Variants in HERC1 observed in about 807,000 individuals in gnomAD.
The protein encoded by HERC1 is HECT and RLD domain containing E3 ubiquitin protein ligase family member 1.
In HERC1, 160 loss-of-function variants were observed where a neutral mutation model predicts 554.3. The ratio of observed to expected loss-of-function variants is 0.29; its 90% CI spans 0.25 to 0.33. The LOEUF is 0.33. Among genes scored for constraint, HERC1 ranks in the 10% least tolerant of loss-of-function variants. HERC1 has a pLI of 1.00. For synonymous variants in HERC1, 2,175 were observed against 2,131.7 expected, an observed-to-expected ratio of 1.02 and a Z score of -0.56; for missense variants, 4,919 against 5,918.5, an observed-to-expected ratio of 0.83 and a Z score of 5.54.
At chr15:63,724,977 A>C (rs553946519) in intron 18 of HERC1, among the ~76,000 whole-genome samples, 1 of 152,342 alleles carries the variant, frequency 6.6e-6, no homozygotes, top group South Asian at 2.1e-4. Flanking sequence ...TCTGGGAAGC[A>C]GTTTCATAAC....
chr15:63,822,463 G>A (rs1455410674), intron 1 of HERC1, among the ~76,000 whole-genome samples: 1 of 151,944 alleles, frequency 6.6e-6, no homozygotes, highest in Non-Finnish European at 1.5e-5. Flanking sequence ...GCGTGTGCCT[G>A]TAATCCCAGC....
At chr15:63,627,643 C>T (rs1243269421) in intron 70 of HERC1, among the ~76,000 whole-genome samples, 1 of 150,508 alleles carries the variant, frequency 6.6e-6, no homozygotes, top group Non-Finnish European at 1.5e-5. Flanking sequence ...CATTACACTC[C>T]AGCCTGGGCA....
chr15:63,628,961 T>A, intron 69 of HERC1, 146 bp from the exon 70 acceptor site: 1 of 759,824 alleles, frequency 1.3e-6, no homozygotes, highest in South Asian at 1.8e-5. Context: ...TTCTTTTTTT[T>A]TTTTTTTGAG....
In HERC1 at chr15:63,616,534, G is replaced by A; in HGVS notation, c.13837C>T (p.Leu4613Phe). 1.2e-6 allele frequency: 2 copies of A among 1,613,994 alleles called. No individual in the cohort carries two copies. The highest frequency in any genetic ancestry group is 1.7e-6 in the Non-Finnish European group (2 of 1,179,896). The change falls in exon 75 of 78, where the codon CTC (leucine) becomes TTC (phenylalanine). Residue 4613 changes from leucine to phenylalanine, a missense_variant. This residue lies in a region of HERC1 where 284 missense variants were observed against 294.1 expected (regional missense o/e 0.97). Coordinates refer to ENST00000443617, the MANE Select transcript of HERC1 (RefSeq NM_003922.4). ...ACCTCCTCCAGGTCCTCTAGGGTGA[G>A]TGGGACACAGCACAGCTGCTTCCAC... ...LVWKQLCCVP[L>F]TLEDLEEVDL...
chr15:63,625,721 G>A (rs988123684), intron 71 of HERC1, among the ~76,000 whole-genome samples: 3 of 151,478 alleles, frequency 2.0e-5, no homozygotes, highest in Non-Finnish European at 4.4e-5. Context: ...GAAAGAAATG[G>A]TATGTGTAGT....
intron 42 of HERC1, among the ~76,000 whole-genome samples, chr15:63,665,664 T>A (rs1041088347): frequency 6.6e-6 from 1 of 152,228 alleles, no homozygotes; most frequent in African/African-American, 2.4e-5. Flanking sequence ...ATAAACTTGT[T>A]TCCTTTTTCA....
At chr15:63,815,566 G>C (rs944358279) in intron 1 of HERC1, among the ~76,000 whole-genome samples, 5 of 152,176 alleles carry the variant, frequency 3.3e-5, no homozygotes, top group African/African-American at 1.2e-4. Context: ...ATGCTTACAG[G>C]CTAAGATGAA....
At chr15:63,653,011 T>G (rs901717151) in intron 51 of HERC1, among the ~76,000 whole-genome samples, 5 of 152,216 alleles carry the variant, frequency 3.3e-5, no homozygotes, top group African/African-American at 1.2e-4. Flanking sequence ...AAGTATAGCT[T>G]TAAGGTACTA....
chr15:63,652,429 C>T lies in HERC1; in HGVS notation c.10403G>A (p.Cys3468Tyr), dbSNP rs1312510176. 6.2e-7 allele frequency: 1 copy of T among 1,612,892 alleles called. No homozygotes were observed. Among genetic ancestry groups the T allele is most frequent in the South Asian group, 1.1e-5 (1 of 90,878 alleles). The part of the protein sequence containing the change: ...TKKQYSLQQT[C>Y]VFNRLEGDAE... ...TAGCACTCACAATCTGTTGAACACACAGGTCTGTTGCAGTGAATATTGCTT... is the reference window on the plus strand; with the variant it reads ...TAGCACTCACAATCTGTTGAACACATAGGTCTGTTGCAGTGAATATTGCTT... The change falls in exon 52 of 78, where the codon TGT (cysteine) becomes TAT (tyrosine). Residue 3468 changes from cysteine to tyrosine, a missense_variant. Around this residue, in one of 11 missense-constraint regions of HERC1, gnomAD observed 1,963 missense variants for 2,228.6 expected, o/e 0.88. Coordinates refer to ENST00000443617, the MANE Select transcript of HERC1 (RefSeq NM_003922.4).
At chr15:63,695,876 A>G (rs2072381474) in intron 27 of HERC1, among the ~76,000 whole-genome samples, 1 of 152,216 alleles carries the variant, frequency 6.6e-6, no homozygotes, top group African/African-American at 2.4e-5. Context: ...ATCTATTCCC[A>G]TCCAAACTGG....
chr15:63,700,345 CA>C (rs2072648252), intron 25 of HERC1, among the ~76,000 whole-genome samples: 1 of 151,500 alleles, frequency 6.6e-6, no homozygotes, highest in African/African-American at 2.4e-5. Flanking sequence ...TTAAGGTACC[CA>C]ATTAAATATG....
chr15:63,635,656 T>C (rs2068748600), intron 65 of HERC1, among the ~76,000 whole-genome samples: 1 of 152,216 alleles, frequency 6.6e-6, no homozygotes, highest in Non-Finnish European at 1.5e-5. Flanking sequence ...TATTAAGAAC[T>C]GTGTGGCAGA....
intron 7 of HERC1, among the ~76,000 whole-genome samples, chr15:63,753,490 T>A (rs971000656): frequency 3.9e-5 from 6 of 152,210 alleles, no homozygotes; most frequent in Middle Eastern, 6.8e-3. Flanking sequence ...ATAAACTTTT[T>A]AAAAAATCAA....
At chr15:63,806,203 T>C (rs1234902522) in intron 1 of HERC1, among the ~76,000 whole-genome samples, 2 of 151,838 alleles carry the variant, frequency 1.3e-5, no homozygotes, top group African/African-American at 4.8e-5. Context: ...TCTTGCTCTG[T>C]TGCCCAGGCT....
At chr15:63,784,581 A>G (rs1307716337) in intron 1 of HERC1, among the ~76,000 whole-genome samples, 1 of 150,518 alleles carries the variant, frequency 6.6e-6, no homozygotes, top group East Asian at 1.9e-4. Flanking sequence ...TGAATTTCTT[A>G]TATATGCATG....
intron 39 of HERC1, 110 bp downstream of exon 39, chr15:63,672,386 C>G (rs1384546972): frequency 1.4e-6 from 1 of 709,556 alleles, no homozygotes; most frequent in Non-Finnish European, 2.2e-6. Context: ...TAGTTTCTTT[C>G]TAGCTCTAGA....
At chr15:63,787,922 C>CT (rs1271058231) in intron 1 of HERC1, among the ~76,000 whole-genome samples, 3 of 137,572 alleles carry the variant, frequency 2.2e-5, no homozygotes, top group East Asian at 4.3e-4. Context: ...GATTGTGCCA[C>CT]TGTACTCCAG....
chr15:63,829,442 GTA>G (rs1567171325), intron 1 of HERC1, among the ~76,000 whole-genome samples: 3 of 90,612 alleles, frequency 3.3e-5, no homozygotes, highest in African/African-American at 7.6e-5. Flanking sequence ...AGAAACGTCA[GTA>G]TGTGTGTGTG....
chr15:63,754,366 T>C (rs2075349773), intron 7 of HERC1, 139 bp downstream of exon 7: 1 of 494,346 alleles, frequency 2.0e-6, no homozygotes, highest in South Asian at 7.3e-5. Flanking sequence ...AAGTAACATT[T>C]GTAAAAGCTC....
Sources: allele counts gnomAD v4.1 joint callset (sites outside exome capture counted in the v4.1 genomes callset), GRCh38; gene constraint gnomAD v4.1.1; regional missense constraint gnomAD v4.1.1; transcripts MANE v1.5; gene names NCBI Gene and HGNC (gene_info 2026-07-23, HGNC 2026-07-21).